GRIP1: variants seen among roughly 807,000 people sequenced by gnomAD.
GRIP1 encodes glutamate receptor interacting protein 1, also known as glutamate receptor-interacting protein 1.
Under a neutral mutation model 129.9 loss-of-function variants are expected in GRIP1, and 45 were observed. The observed-to-expected ratio is 0.35, with a 90% CI of 0.27 to 0.44. GRIP1 has a LOEUF of 0.44. GRIP1 is among the 20% of genes least tolerant of loss of function. The probability of loss-of-function intolerance (pLI) is 1.00; values close to 1 mark genes in which losing one functional copy is unlikely to be tolerated. For synonymous variants in GRIP1, 530 were observed against 520.8 expected, an observed-to-expected ratio of 1.02 and a Z score of -0.24; for missense variants, 1,196 against 1,396.8, an observed-to-expected ratio of 0.86 and a Z score of 2.29.
chr12:66,670,670 C>T (rs186376881), intron 1 of GRIP1, among the ~76,000 whole-genome samples: 1 of 152,288 alleles, frequency 6.6e-6, no homozygotes, highest in Admixed American at 6.5e-5. Flanking sequence ...ACAGAAAGAC[C>T]TGGCTCTAAT....
intron 1 of GRIP1, among the ~76,000 whole-genome samples, chr12:66,651,944 G>T (rs11831247): frequency 6.6e-6 from 1 of 152,096 alleles, no homozygotes. Context: ...CTCAGTGGAG[G>T]TTGTGGCATC....
chr12:66,504,109 C>T (rs1386056113), intron 7 of GRIP1, among the ~76,000 whole-genome samples: 4 of 152,146 alleles, frequency 2.6e-5, no homozygotes, highest in African/African-American at 7.2e-5. Flanking sequence ...TCAAGAGGGG[C>T]AGTCTGAGAG....
In GRIP1 at chr12:66,445,351, G is replaced by A. The variant is rs1305703807; in HGVS notation, c.1512C>T (p.Ser504=). Residue 504 remains serine, a synonymous_variant, in exon 12 of 25, where the codon TCC becomes TCT. Coordinates refer to ENST00000359742, the MANE Select transcript of GRIP1 (RefSeq NM_001366722.1). ...TETLSSPPLI[S]YIEADSPAER... ...CTGCTGGGCTGTCAGCTTCGATATA[G>A]GAAATCAGAGGTGGAGAAGAGAGAG... 6.2e-7 allele frequency: 1 copy of A among 1,614,172 alleles called. No individual in the cohort carries two copies. The highest frequency in any genetic ancestry group is 1.3e-5 in the African/African-American group (1 of 75,056).
intron 16 of GRIP1, among the ~76,000 whole-genome samples, chr12:66,398,193 G>A (rs377429952): frequency 3.3e-5 from 5 of 152,084 alleles, no homozygotes; most frequent in African/African-American, 1.2e-4. Flanking sequence ...TTTCACCAAT[G>A]CTGCCAACAT....
At chr12:66,566,426 G>A (rs555742569) in intron 2 of GRIP1, among the ~76,000 whole-genome samples, 46 of 152,286 alleles carry the variant, frequency 3.0e-4, no homozygotes, top group Middle Eastern at 6.8e-3. Context: ...AATGTTTATT[G>A]ATTTTAGTAT....
At chr12:66,835,448 T>C (rs1159919766) in intron 1 of GRIP1, among the ~76,000 whole-genome samples, 1 of 152,212 alleles carries the variant, frequency 6.6e-6, no homozygotes, top group African/African-American at 2.4e-5. Context: ...TATCATTGTT[T>C]ATATCAATGA....
chr12:66,498,169 A>G (rs1166324221), intron 7 of GRIP1, among the ~76,000 whole-genome samples: 1 of 152,134 alleles, frequency 6.6e-6, no homozygotes, highest in African/African-American at 2.4e-5. Flanking sequence ...GGTGAAATAA[A>G]CAGCCATGTT....
intron 1 of GRIP1, among the ~76,000 whole-genome samples, chr12:66,909,067 CCATT>C (rs2040985636): frequency 6.6e-6 from 1 of 152,136 alleles, no homozygotes. Context: ...TGTGATAATA[CCATT>C]TATTACTTAT....
chr12:66,448,142 T>C (rs2058682985), intron 11 of GRIP1, among the ~76,000 whole-genome samples: 1 of 152,100 alleles, frequency 6.6e-6, no homozygotes, highest in South Asian at 2.1e-4. Flanking sequence ...CCCTCCTTGA[T>C]GGGTATGCCA....
At chr12:66,449,382 C>T (rs2058713545) in intron 11 of GRIP1, among the ~76,000 whole-genome samples, 1 of 152,112 alleles carries the variant, frequency 6.6e-6, no homozygotes, top group African/African-American at 2.4e-5. Context: ...CTTCAGGGCC[C>T]AGGTAATTGC....
intron 23 of GRIP1, among the ~76,000 whole-genome samples, chr12:66,364,457 CT>C (rs954720278): frequency 1.3e-5 from 2 of 151,990 alleles, no homozygotes; most frequent in African/African-American, 2.4e-5. Flanking sequence ...AGCTGTATAC[CT>C]TTCTCATATT....
At chr12:66,630,917 A>G (rs1316392707) in intron 1 of GRIP1, among the ~76,000 whole-genome samples, 1 of 152,156 alleles carries the variant, frequency 6.6e-6, no homozygotes, top group East Asian at 1.9e-4. Context: ...TAATTTTAGT[A>G]ATAATAGATG....
At chr12:66,686,435 G>C (rs927395586) in intron 1 of GRIP1, among the ~76,000 whole-genome samples, 17 of 152,342 alleles carry the variant, frequency 1.1e-4, no homozygotes, top group Non-Finnish European at 1.3e-4. Context: ...ATTATAGCCT[G>C]TCAAGGACAT....
intron 1 of GRIP1, among the ~76,000 whole-genome samples, chr12:66,879,283 G>A (rs1231141818): frequency 1.3e-5 from 2 of 151,342 alleles, no homozygotes; most frequent in Admixed American, 6.6e-5. Flanking sequence ...AAAAAAAAAA[G>A]TGGAGGCAAC....
At chr12:66,917,442 G>A (rs1034069243) in intron 1 of GRIP1, among the ~76,000 whole-genome samples, 1 of 152,204 alleles carries the variant, frequency 6.6e-6, no homozygotes, top group African/African-American at 2.4e-5. Context: ...CCTTATCAAA[G>A]AGCATCTATT....
At chr12:67,039,217 G>A (rs1305855494) in intron 1 of GRIP1, among the ~76,000 whole-genome samples, 2 of 152,050 alleles carry the variant, frequency 1.3e-5, no homozygotes, top group Non-Finnish European at 2.9e-5. Context: ...AAGCACAACT[G>A]GCAAATATAC....
chr12:66,532,675 G>T (rs2061494005), intron 4 of GRIP1, among the ~76,000 whole-genome samples: 1 of 152,124 alleles, frequency 6.6e-6, no homozygotes, highest in Admixed American at 6.5e-5. Context: ...GCCACAAGAA[G>T]AGCGTCCTCC....
At chr12:66,578,240 T>A (rs967903554) in intron 2 of GRIP1, among the ~76,000 whole-genome samples, 1 of 146,574 alleles carries the variant, frequency 6.8e-6, no homozygotes, top group African/African-American at 2.5e-5. Flanking sequence ...CGGTTTTTTT[T>A]TTTTTTTTTG....
At chr12:66,555,635 T>G (rs1041880381) in intron 2 of GRIP1, among the ~76,000 whole-genome samples, 1 of 151,832 alleles carries the variant, frequency 6.6e-6, no homozygotes, top group Non-Finnish European at 1.5e-5. Flanking sequence ...GAATGCAAAA[T>G]AGGTGACTGG....
Sources: allele counts gnomAD v4.1 joint callset (sites outside exome capture counted in the v4.1 genomes callset), GRCh38; gene constraint gnomAD v4.1.1; transcripts MANE v1.5; gene names NCBI Gene and HGNC (gene_info 2026-07-23, HGNC 2026-07-21).